Variants in ADAM10 observed in about 807,000 individuals in gnomAD.
ADAM10 encodes the protein disintegrin and metalloproteinase domain-containing protein 10.
Under a neutral mutation model 90.1 loss-of-function variants are expected in ADAM10, and 17 were observed. That is an observed-to-expected ratio of 0.19 (90% CI 0.13 to 0.28). ADAM10 has a LOEUF of 0.28. Ranked by LOEUF, ADAM10 falls within the 10% of genes least tolerant of loss-of-function variation. ADAM10 has a pLI of 1.00. For missense variants in ADAM10, 610 were observed against 914.3 expected (o/e 0.67, Z 4.29); for synonymous variants, 310 against 298.6 (o/e 1.04, Z -0.40).
At chr15:58,643,430 C>T (rs1438757331) in intron 7 of ADAM10, among the ~76,000 whole-genome samples, 5 of 152,022 alleles carry the variant, frequency 3.3e-5, no homozygotes, top group South Asian at 2.1e-4. Context: ...GATTATAGTA[C>T]TAAGGGTTTT....
At chr15:58,679,060 CCA>C (rs1441680873) in intron 4 of ADAM10, 62 bp downstream of exon 4, 2 of 1,479,166 alleles carry the variant, frequency 1.4e-6, no homozygotes, top group Non-Finnish European at 1.9e-6. Context: ...TCATTTGTCT[CCA>C]CACAGTTTTA....
intron 2 of ADAM10, among the ~76,000 whole-genome samples, chr15:58,715,224 C>T (rs1475906820): frequency 6.6e-6 from 1 of 151,946 alleles, no homozygotes; most frequent in Non-Finnish European, 1.5e-5. Context: ...GAGTTCGAGA[C>T]CAGCCTGGCC....
At chr15:58,645,418 T>G (rs542585246) in intron 6 of ADAM10, among the ~76,000 whole-genome samples, 1 of 152,158 alleles carries the variant, frequency 6.6e-6, no homozygotes, top group Non-Finnish European at 1.5e-5. Flanking sequence ...AAGGCTACCC[T>G]TCCCTCAAGC....
intron 1 of ADAM10, among the ~76,000 whole-genome samples, chr15:58,730,463 T>C (rs1251646288): frequency 1.3e-5 from 2 of 151,422 alleles, no homozygotes; most frequent in Admixed American, 6.6e-5. Context: ...GTATTAAATC[T>C]TTGGTAAGTC....
chr15:58,693,391 C>T (rs1245247760), intron 2 of ADAM10, among the ~76,000 whole-genome samples: 1 of 152,026 alleles, frequency 6.6e-6, no homozygotes, highest in Admixed American at 6.6e-5. Context: ...GCTACAGTAA[C>T]CAAACAGTGG....
chr15:58,676,354 C>T (rs1229952061), intron 4 of ADAM10: 16 of 453,552 alleles, frequency 3.5e-5, no homozygotes, highest in South Asian at 2.2e-4. Context: ...GAATTCAATT[C>T]AATAATGCAA....
rs371620351 is a variant in ADAM10, at chr15:58,735,804, T to A, written c.55+13676A>T. Among the ~76,000 whole-genome samples the A allele has an allele frequency of 1.2e-3, 177 of 152,346 alleles. 3 individuals are homozygous for A. The South Asian group carries it at 0.019, about 16-fold the overall frequency. On this transcript the variant is annotated intron_variant, in intron 1 of 15. Transcript: ENST00000260408. ...CCTAATCACAGAAGTGCGTTATGAA[T>A]CTTACTACCCAGCAAGTTGGTATCT...
At chr15:58,639,259 C>T (rs1412577748) in intron 8 of ADAM10, among the ~76,000 whole-genome samples, 1 of 152,072 alleles carries the variant, frequency 6.6e-6, no homozygotes, top group Admixed American at 6.5e-5. Flanking sequence ...TTCAAGAGAC[C>T]GGGGTAGTGC....
chr15:58,725,938 T>C (rs1050436932), intron 1 of ADAM10, among the ~76,000 whole-genome samples: 12 of 152,112 alleles, frequency 7.9e-5, no homozygotes, highest in African/African-American at 1.2e-4. Context: ...GTTTTTCAGA[T>C]AGAAGGAATA....
chr15:58,638,614 C>CAAAAAAAAAAA (rs60048171), intron 8 of ADAM10, among the ~76,000 whole-genome samples: 21 of 78,158 alleles, frequency 2.7e-4, no homozygotes, highest in Non-Finnish European at 4.6e-4. Context: ...CACTCTGTCT[C>CAAAAAAAAAAA]AAAAAAAAAA....
chr15:58,691,925 C>T (rs1437506678), intron 2 of ADAM10, among the ~76,000 whole-genome samples: 1 of 152,082 alleles, frequency 6.6e-6, no homozygotes, highest in Non-Finnish European at 1.5e-5. Context: ...ATCTGCCCGC[C>T]TCAGCCTCCC....
intron 2 of ADAM10, chr15:58,703,777 T>C (rs1323508351): frequency 6.6e-6 from 1 of 152,518 alleles, no homozygotes; most frequent in Non-Finnish European, 1.5e-5. Context: ...TCTCACGAGA[T>C]TGTCCCTGCT....
chr15:58,699,906 T>C (rs1213022530), intron 2 of ADAM10, among the ~76,000 whole-genome samples: 3 of 152,076 alleles, frequency 2.0e-5, no homozygotes, highest in Non-Finnish European at 2.9e-5. Flanking sequence ...AAGATAAAGA[T>C]TGGCTAAATG....
intron 4 of ADAM10, among the ~76,000 whole-genome samples, chr15:58,669,619 AGTT>A (rs1897150767): frequency 1.3e-5 from 2 of 152,280 alleles, no homozygotes; most frequent in South Asian, 2.1e-4. Context: ...GGTCCTTAGT[AGTT>A]ATTTCATCCC....
chr15:58,636,873 G>A (rs149250768), intron 8 of ADAM10, among the ~76,000 whole-genome samples: 2 of 152,190 alleles, frequency 1.3e-5, no homozygotes, highest in African/African-American at 4.8e-5. Context: ...TTCTGGACCA[G>A]ACCATAGTAA....
intron 1 of ADAM10, among the ~76,000 whole-genome samples, chr15:58,735,224 CG>C (rs1899390508): frequency 6.6e-6 from 1 of 152,158 alleles, no homozygotes; most frequent in South Asian, 2.1e-4. Flanking sequence ...GCTGCCTAAT[CG>C]TTTACTCCGA....
chr15:58,646,740 T>G (rs6494030), intron 5 of ADAM10, among the ~76,000 whole-genome samples: 43,312 of 152,106 alleles, frequency 0.28, 8,622 homozygotes, highest in African/African-American at 0.56. Context: ...TCCACCTCAA[T>G]AATGTATTTC....
chr15:58,746,578 T>A (rs1595676256), intron 1 of ADAM10, among the ~76,000 whole-genome samples: 1 of 152,124 alleles, frequency 6.6e-6, no homozygotes, highest in African/African-American at 2.4e-5. Context: ...CCTAGTAATA[T>A]GTAATATGTA....
chr15:58,649,982 A>G (rs1371421754), intron 5 of ADAM10, among the ~76,000 whole-genome samples: 1 of 152,062 alleles, frequency 6.6e-6, no homozygotes, highest in Non-Finnish European at 1.5e-5. Flanking sequence ...TCCTTTTCTT[A>G]GCAGTTTGCT....
Sources: allele counts gnomAD v4.1 joint callset (sites outside exome capture counted in the v4.1 genomes callset), GRCh38; gene constraint gnomAD v4.1.1; transcripts MANE v1.5; gene names NCBI Gene and HGNC (gene_info 2026-07-23, HGNC 2026-07-21).